The following SMYD3 variants were observed in gnomAD, a reference collection of about 807,000 sequenced individuals.
SMYD3 encodes histone-lysine N-methyltransferase SMYD3.
A neutral mutation model predicts 57.7 loss-of-function variants in SMYD3; 36 were observed. The ratio of observed to expected loss-of-function variants is 0.62; its 90% CI spans 0.48 to 0.82. The LOEUF is 0.82. Ranked by LOEUF, SMYD3 falls within the 40% of genes least tolerant of loss-of-function variation. The pLI, the probability that SMYD3 is intolerant of heterozygous loss-of-function variation, is 0.00. For missense variants in SMYD3, 515 were observed against 538.8 expected (o/e 0.96, Z 0.44); for synonymous variants, 211 against 195.0 (o/e 1.08, Z -0.68).
At position 245,763,988 on chromosome 1, in the gene SMYD3, CA is replaced by C. The variant is rs906750745; in HGVS notation, c.1185+52del. 8.3e-5 allele frequency: 114 copies of C among 1,365,972 alleles called. No individual in the cohort carries two copies. In the African/African-American group the frequency reaches 1.3e-3, roughly 15 times the overall value. The allele number at this position is 1,365,972 out of a possible 1,614,324, so 84.6% of individuals were successfully genotyped here. A position where few individuals can be genotyped will look rare whatever the true frequency, so the allele number is the denominator to read the frequency against. The stretch of plus-strand genomic sequence containing the variant: ...AACAAATCACAAAGAGGCCCAGCAA[CA>C]GCAGAAAAAAAGGATGCCAGGCAGA... On this transcript the variant is annotated intron_variant, in intron 11 of 11. Coordinates refer to ENST00000490107, the MANE Select transcript of SMYD3 (RefSeq NM_001167740.2).
At chr1:246,134,232 T>G (rs753305553) in intron 5 of SMYD3, among the ~76,000 whole-genome samples, 1 of 152,164 alleles carries the variant, frequency 6.6e-6, no homozygotes, top group African/African-American at 2.4e-5. Context: ...TCAGGAGGAA[T>G]AGCCTTACTT....
chr1:245,918,317 T>C (rs2055596877), intron 7 of SMYD3, among the ~76,000 whole-genome samples: 1 of 151,422 alleles, frequency 6.6e-6, no homozygotes, highest in Non-Finnish European at 1.5e-5. Context: ...CCCAGATCTC[T>C]TGATAAGTCT....
intron 5 of SMYD3, among the ~76,000 whole-genome samples, chr1:246,082,482 A>G (rs188116550): frequency 6.6e-6 from 1 of 151,858 alleles, no homozygotes; most frequent in Admixed American, 6.6e-5. Flanking sequence ...ACCGTTTCCT[A>G]CCCTCCTATG....
chr1:245,994,925 G>T, intron 5 of SMYD3, among the ~76,000 whole-genome samples: 1 of 152,024 alleles, frequency 6.6e-6, no homozygotes, highest in Non-Finnish European at 1.5e-5. Context: ...AAGAGATTGA[G>T]ACCATCCTGG....
chr1:245,965,430 A>G (rs1230148979), intron 5 of SMYD3, among the ~76,000 whole-genome samples: 1 of 152,230 alleles, frequency 6.6e-6, no homozygotes, highest in Non-Finnish European at 1.5e-5. Context: ...TAAAGGAGAG[A>G]AAACAGTATC....
chr1:246,265,164 C>CT (rs2064080981), intron 5 of SMYD3, among the ~76,000 whole-genome samples: 1 of 152,196 alleles, frequency 6.6e-6, no homozygotes, highest in Admixed American at 6.5e-5. Context: ...GAGACAGGGT[C>CT]TTTCTCTGTT....
chr1:246,494,725 CA>C lies in SMYD3; in HGVS notation c.164+12328del, dbSNP rs2068329369. Among the ~76,000 whole-genome samples, 4 of 152,288 alleles carry C rather than the reference CA, an allele frequency of 2.6e-5. No homozygotes were observed. The South Asian group carries it at 8.3e-4, about 32-fold the overall frequency. On this transcript the variant is annotated intron_variant, in intron 1 of 11. Coordinates refer to ENST00000490107, the MANE Select transcript of SMYD3 (RefSeq NM_001167740.2). ...AAACACAGCAGCTAAAAAATGCTAA[CA>C]AGGATTAAATTTTTATATACTCAAA...
intron 5 of SMYD3, among the ~76,000 whole-genome samples, chr1:246,232,563 GCTC>G (rs1215286659): frequency 4.8e-5 from 6 of 124,266 alleles, no homozygotes; most frequent in Admixed American, 2.6e-4. Flanking sequence ...GAGGAGAAGC[GCTC>G]CTCAATTCAC....
At chr1:245,928,343 C>T (rs1013477125) in intron 6 of SMYD3, among the ~76,000 whole-genome samples, 4 of 151,962 alleles carry the variant, frequency 2.6e-5, no homozygotes, top group Non-Finnish European at 5.9e-5. Flanking sequence ...TAAGGCAACC[C>T]AACACGAAGG....
At chr1:246,003,165 C>T (rs2059109219) in intron 5 of SMYD3, among the ~76,000 whole-genome samples, 1 of 152,150 alleles carries the variant, frequency 6.6e-6, no homozygotes, top group African/African-American at 2.4e-5. Context: ...GATGTGTAGG[C>T]ACACAGAAGA....
intron 1 of SMYD3, 63 bp downstream of exon 1, chr1:246,506,991 C>CCCCCCCCCCCCCCCA: frequency 1.2e-6 from 1 of 815,390 alleles, no homozygotes; most frequent in Non-Finnish European, 1.7e-6. Flanking sequence ...CGCCCGACGC[C>CCCCCCCCCCCCCCCA]CCCCCCTCCC....
At position 246,364,302 on chromosome 1, in the gene SMYD3, G is replaced by A. The variant is rs115134531; in HGVS notation, c.165-9208C>T. Among the ~76,000 whole-genome samples, 583 of 151,736 alleles carry A rather than the reference G, an allele frequency of 3.8e-3. 1 individual carries two copies. The highest frequency in any genetic ancestry group is 6.5e-3 in the Non-Finnish European group (445 of 67,960). ...AAATTCACAGTGACAAGGATCAGAC[G>A]GGACTGTGTATAGTTTCAAGGTGGT... On this transcript the variant is annotated intron_variant, in intron 1 of 11. Transcript: ENST00000490107.
At chr1:245,804,060 C>T (rs549462193) in intron 10 of SMYD3, among the ~76,000 whole-genome samples, 1 of 151,790 alleles carries the variant, frequency 6.6e-6, no homozygotes, top group Non-Finnish European at 1.5e-5. Flanking sequence ...CCACAGGCGC[C>T]CACCACCACA....
intron 5 of SMYD3, among the ~76,000 whole-genome samples, chr1:246,103,614 T>C (rs1247497737): frequency 6.6e-6 from 1 of 152,160 alleles, no homozygotes; most frequent in East Asian, 1.9e-4. Context: ...TTTGACAACC[T>C]CTTAACTAAT....
intron 1 of SMYD3, among the ~76,000 whole-genome samples, chr1:246,393,545 C>T (rs931680902): frequency 6.6e-6 from 1 of 151,888 alleles, no homozygotes; most frequent in Non-Finnish European, 1.5e-5. Context: ...GATAAAATTA[C>T]AGGCTAGGCA....
chr1:246,255,979 T>TAGATAGATAGAC (rs1553320462), intron 5 of SMYD3, among the ~76,000 whole-genome samples: 15 of 147,754 alleles, frequency 1.0e-4, no homozygotes, highest in African/African-American at 3.3e-4. Flanking sequence ...GATAGATAGA[T>TAGATAGATAGAC]AGATAGATAC....
At chr1:246,346,579 A>G (rs2065722617) in intron 2 of SMYD3, among the ~76,000 whole-genome samples, 1 of 152,162 alleles carries the variant, frequency 6.6e-6, no homozygotes, top group South Asian at 2.1e-4. Context: ...ATATGGCAGC[A>G]GGATGGAGAA....
intron 5 of SMYD3, among the ~76,000 whole-genome samples, chr1:246,306,427 C>G (rs1054254189): frequency 6.6e-6 from 1 of 152,066 alleles, no homozygotes; most frequent in Non-Finnish European, 1.5e-5. Flanking sequence ...GAAACTGGGA[C>G]AGATATATTT....
intron 8 of SMYD3, among the ~76,000 whole-genome samples, chr1:245,910,181 A>G (rs2054864788): frequency 1.3e-5 from 2 of 152,248 alleles, no homozygotes; most frequent in South Asian, 4.1e-4. Context: ...GAAAACAAAT[A>G]AAGAAAGCAA....
Sources: gnomAD v4.1 joint callset for allele counts (sites outside exome capture counted in the v4.1 genomes callset) on GRCh38, gnomAD v4.1.1 for gene constraint, MANE v1.5 for transcripts, NCBI Gene and HGNC (gene_info 2026-07-23, HGNC 2026-07-21) for gene names.